KCNQ5: variants seen among roughly 807,000 people sequenced by gnomAD.
The protein encoded by KCNQ5 is potassium voltage-gated channel subfamily KQT member 5.
Under a neutral mutation model 98.2 loss-of-function variants are expected in KCNQ5, and 30 were observed. That is an observed-to-expected ratio of 0.31 (90% CI 0.23 to 0.41). The LOEUF (loss-of-function observed/expected upper bound fraction) is 0.41, where lower values mean the gene tolerates loss of function less well. Ranked by LOEUF, KCNQ5 falls within the 10% of genes least tolerant of loss-of-function variation. KCNQ5 has a pLI of 1.00. For synonymous variants in KCNQ5, 458 were observed against 449.4 expected (o/e 1.02, Z -0.24); for missense variants, 835 against 1,182.5 (o/e 0.71, Z 4.31).
chr6:73,052,652 GA>G (rs1772297589), intron 3 of KCNQ5, among the ~76,000 whole-genome samples: 1 of 152,188 alleles, frequency 6.6e-6, no homozygotes, highest in Non-Finnish European at 1.5e-5. Flanking sequence ...CTTCATAAAT[GA>G]AGGAGAAATA....
chr6:72,961,129 T>C (rs1404585557), intron 1 of KCNQ5, among the ~76,000 whole-genome samples: 1 of 152,238 alleles, frequency 6.6e-6, no homozygotes, highest in East Asian at 1.9e-4. Flanking sequence ...AAATGGTTAA[T>C]AATTTATTCA....
At chr6:72,909,904 C>G (rs781754532) in intron 1 of KCNQ5, among the ~76,000 whole-genome samples, 2 of 152,182 alleles carry the variant, frequency 1.3e-5, no homozygotes, top group Non-Finnish European at 2.9e-5. Context: ...ATTTAGACAT[C>G]AACCCACTTT....
At chr6:72,651,459 C>T (rs183846047) in intron 1 of KCNQ5, among the ~76,000 whole-genome samples, 3 of 152,180 alleles carry the variant, frequency 2.0e-5, no homozygotes, top group African/African-American at 7.2e-5. Context: ...TAGAAATACT[C>T]TTGGACTTTA....
In KCNQ5 at chr6:72,843,382, A is replaced by G. The variant is rs941996540; in HGVS notation, c.399-160526A>G. Among the ~76,000 whole-genome samples the G allele has an allele frequency of 5.3e-5, 8 of 152,152 alleles. No homozygotes were observed. The South Asian group carries it at 1.7e-3, about 32-fold the overall frequency. The stretch of plus-strand genomic sequence containing the variant: ...TCAGTACCATGCTGTTTTGGTTACC[A>G]TAGGCTTGTAGTGTAGTTTGAAGTC... On this transcript the variant is annotated intron_variant, in intron 1 of 13. Transcript: ENST00000370398.
chr6:73,194,318 A>C, intron 13 of KCNQ5, 134 bp from the exon 14 acceptor site: 1 of 755,788 alleles, frequency 1.3e-6, no homozygotes, highest in Middle Eastern at 3.9e-4. Context: ...AAGGGTCAAG[A>C]CTGCATCGTA....
intron 1 of KCNQ5, among the ~76,000 whole-genome samples, chr6:72,728,517 G>C (rs1306883690): frequency 6.6e-6 from 1 of 152,066 alleles, no homozygotes; most frequent in Non-Finnish European, 1.5e-5. Context: ...ATTATCCTGT[G>C]AACAATCCAT....
At chr6:72,851,786 ATTAT>A (rs1777269037) in intron 1 of KCNQ5, among the ~76,000 whole-genome samples, 1 of 152,136 alleles carries the variant, frequency 6.6e-6, no homozygotes, top group African/African-American at 2.4e-5. Context: ...AAGAATAGTT[ATTAT>A]TTGTTTGGTA....
chr6:72,751,719 A>G (rs1384926097), intron 1 of KCNQ5, among the ~76,000 whole-genome samples: 2 of 152,128 alleles, frequency 1.3e-5, no homozygotes, highest in African/African-American at 4.8e-5. Context: ...ACTCTTATTT[A>G]GTACAAAAAG....
At chr6:73,143,339 A>G (rs1776794635) in intron 10 of KCNQ5, 1 of 152,184 alleles carries the variant, frequency 6.6e-6, no homozygotes, top group Non-Finnish European at 1.5e-5. Context: ...ATTAACTCGT[A>G]TCCTCACTAG....
chr6:73,124,403 A>G (rs1775864520), intron 8 of KCNQ5, 83 bp from the exon 9 acceptor site: 37 of 1,217,316 alleles, frequency 3.0e-5, no homozygotes, highest in Non-Finnish European at 4.2e-5. Context: ...TGATTCCCCA[A>G]TCTCCAATTT....
chr6:72,758,383 T>C (rs1772083691), intron 1 of KCNQ5, among the ~76,000 whole-genome samples: 1 of 152,206 alleles, frequency 6.6e-6, no homozygotes, highest in South Asian at 2.1e-4. Flanking sequence ...ATTCTGTTTA[T>C]TTTCAGGCTT....
intron 7 of KCNQ5, among the ~76,000 whole-genome samples, chr6:73,114,587 A>T (rs1775404968): frequency 6.6e-6 from 1 of 152,234 alleles, no homozygotes; most frequent in South Asian, 2.1e-4. Flanking sequence ...CACAACTTTT[A>T]TTAATAATGC....
intron 1 of KCNQ5, among the ~76,000 whole-genome samples, chr6:72,832,831 C>A (rs1776343556): frequency 6.6e-6 from 1 of 152,118 alleles, no homozygotes; most frequent in African/African-American, 2.4e-5. Context: ...ATGGTAAAAG[C>A]CACTGGGAGG....
intron 5 of KCNQ5, among the ~76,000 whole-genome samples, chr6:73,090,119 TG>T (rs56152913): frequency 0.73 from 110,996 of 152,020 alleles, 44,696 homozygotes; most frequent in Non-Finnish European, 0.89. Flanking sequence ...AGGACTAAGG[TG>T]GTATCACATT....
intron 1 of KCNQ5, chr6:72,806,987 T>C (rs1362799901): frequency 7.3e-6 from 2 of 274,146 alleles, no homozygotes; most frequent in East Asian, 2.7e-4. Context: ...ATTATGTATA[T>C]GTTGCATTTC....
At chr6:72,627,816 C>T (rs965732314) in intron 1 of KCNQ5, among the ~76,000 whole-genome samples, 8 of 151,888 alleles carry the variant, frequency 5.3e-5, no homozygotes, top group African/African-American at 1.9e-4. Flanking sequence ...GTTCTCTTGG[C>T]TTCTCCCCAC....
At chr6:73,002,831 C>T (rs1769645382) in intron 1 of KCNQ5, among the ~76,000 whole-genome samples, 1 of 152,126 alleles carries the variant, frequency 6.6e-6, no homozygotes, top group South Asian at 2.1e-4. Flanking sequence ...GTCCTGTAGG[C>T]ATAATTAGGC....
chr6:72,890,869 C>T (rs1403377983), intron 1 of KCNQ5, among the ~76,000 whole-genome samples: 1 of 152,120 alleles, frequency 6.6e-6, no homozygotes, highest in Non-Finnish European at 1.5e-5. Flanking sequence ...GTAGCCCTCC[C>T]AAGGGAGTTC....
intron 2 of KCNQ5, among the ~76,000 whole-genome samples, chr6:73,019,411 T>C (rs2150337653): frequency 6.6e-6 from 1 of 152,290 alleles, no homozygotes. Context: ...TTTCAGTGGA[T>C]AGAGTTTACC....
Sources: gnomAD v4.1 joint callset for allele counts (sites outside exome capture counted in the v4.1 genomes callset) on GRCh38, gnomAD v4.1.1 for gene constraint, MANE v1.5 for transcripts, NCBI Gene and HGNC (gene_info 2026-07-23, HGNC 2026-07-21) for gene names.